PDGFC: variants seen among roughly 807,000 people sequenced by gnomAD.
PDGFC encodes platelet derived growth factor C, also known as platelet-derived growth factor C.
In PDGFC, 12 loss-of-function variants were observed where a neutral mutation model predicts 35.5. The ratio of observed to expected loss-of-function variants is 0.34; its 90% confidence interval spans 0.22 to 0.55. The LOEUF (loss-of-function observed/expected upper bound fraction) is 0.55, where lower values mean the gene tolerates loss of function less well. Ranked by LOEUF, PDGFC falls within the 20% of genes least tolerant of loss-of-function variation. PDGFC has a pLI of 0.91. For missense variants in PDGFC, 322 were observed against 412.4 expected (o/e 0.78, Z 1.90); for synonymous variants, 159 against 148.8 (o/e 1.07, Z -0.50).
intron 5 of PDGFC, among the ~76,000 whole-genome samples, chr4:156,767,228 C>A (rs374811655): frequency 4.6e-5 from 7 of 152,122 alleles, no homozygotes; most frequent in African/African-American, 1.7e-4. Context: ...ATTATATTTT[C>A]TTTTATTCCA....
At chr4:156,969,609 A>AC (rs1182205591) in intron 1 of PDGFC, among the ~76,000 whole-genome samples, 11 of 152,284 alleles carry the variant, frequency 7.2e-5, no homozygotes, top group African/African-American at 2.4e-4. Context: ...GTCTTGAAAC[A>AC]CCCCAATATG....
At chr4:156,923,266 C>T (rs1270747158) in intron 1 of PDGFC, among the ~76,000 whole-genome samples, 5 of 152,070 alleles carry the variant, frequency 3.3e-5, no homozygotes, top group South Asian at 2.1e-4. Flanking sequence ...AGGGCCTTTC[C>T]GCTTCCTATC....
intron 1 of PDGFC, among the ~76,000 whole-genome samples, chr4:156,966,439 T>C (rs1490213675): frequency 1.3e-5 from 2 of 152,098 alleles, no homozygotes; most frequent in Non-Finnish European, 2.9e-5. Flanking sequence ...ATATCATCAG[T>C]CTTGGAAACT....
intron 1 of PDGFC, among the ~76,000 whole-genome samples, chr4:156,918,549 C>T (rs1409508068): frequency 1.3e-5 from 2 of 152,192 alleles, no homozygotes; most frequent in African/African-American, 4.8e-5. Context: ...AGCATTACTG[C>T]CTGAGCTCCG....
chr4:156,859,585 C>A (rs1481150417), intron 1 of PDGFC, among the ~76,000 whole-genome samples: 1 of 152,034 alleles, frequency 6.6e-6, no homozygotes, highest in East Asian at 1.9e-4. Flanking sequence ...TAAGTTTAAA[C>A]AAAATATGCT....
At chr4:156,950,624 T>C (rs1313736482) in intron 1 of PDGFC, among the ~76,000 whole-genome samples, 1 of 151,830 alleles carries the variant, frequency 6.6e-6, no homozygotes, top group Non-Finnish European at 1.5e-5. Context: ...TCAGTTTAAT[T>C]TGTAGTTTAA....
intron 1 of PDGFC, among the ~76,000 whole-genome samples, chr4:156,944,187 G>A (rs1731881379): frequency 6.6e-6 from 1 of 152,062 alleles, no homozygotes; most frequent in East Asian, 1.9e-4. Context: ...TTCTTAGATT[G>A]GGATTAATGC....
At chr4:156,828,933 T>G (rs1728860802) in intron 2 of PDGFC, among the ~76,000 whole-genome samples, 1 of 152,196 alleles carries the variant, frequency 6.6e-6, no homozygotes, top group Admixed American at 6.5e-5. Context: ...TTAGCAATTT[T>G]AAGAAAATCA....
chr4:156,818,473 T>C lies in PDGFC; in HGVS notation c.315-7456A>G, dbSNP rs144320464. Reference sequence around the variant, plus strand: ...CTTTTGCAGTCACAACTTGTCTAACTGGTGCAACATGCCTTCCTCACTAAG... The same window carrying C: ...CTTTTGCAGTCACAACTTGTCTAACCGGTGCAACATGCCTTCCTCACTAAG... On this transcript the variant is annotated intron_variant, in intron 2 of 5. Coordinates refer to ENST00000502773, the MANE Select transcript of PDGFC (RefSeq NM_016205.3). 3.8e-3 allele frequency among the ~76,000 whole-genome samples: 576 copies of C among 151,070 alleles called. 4 individuals carry two copies. Among genetic ancestry groups the C allele is most frequent in the African/African-American group, 0.013 (549 of 41,282 alleles).
intron 3 of PDGFC, among the ~76,000 whole-genome samples, chr4:156,801,967 T>C (rs1328659541): frequency 1.3e-5 from 2 of 152,236 alleles, no homozygotes; most frequent in Non-Finnish European, 2.9e-5. Flanking sequence ...GTTCACCTTA[T>C]GTTACACAAA....
intron 4 of PDGFC, among the ~76,000 whole-genome samples, chr4:156,771,276 G>T (rs1473474144): frequency 6.6e-6 from 1 of 152,126 alleles, no homozygotes; most frequent in Non-Finnish European, 1.5e-5. Context: ...CCAGAAATCA[G>T]CTGTCAAAAA....
chr4:156,788,155 A>C (rs1213431369), intron 3 of PDGFC, among the ~76,000 whole-genome samples: 1 of 152,144 alleles, frequency 6.6e-6, no homozygotes, highest in Non-Finnish European at 1.5e-5. Context: ...ATCTCGGACA[A>C]GGAGTCTCAC....
At chr4:156,886,842 T>C (rs1009512515) in intron 1 of PDGFC, 1 of 152,110 alleles carries the variant, frequency 6.6e-6, no homozygotes, top group Admixed American at 6.5e-5. Flanking sequence ...CAGGAAAAAA[T>C]AAAAGATTTA....
chr4:156,839,099 G>A (rs1729137504), intron 2 of PDGFC, among the ~76,000 whole-genome samples: 1 of 152,172 alleles, frequency 6.6e-6, no homozygotes, highest in Non-Finnish European at 1.5e-5. Context: ...CATTTTCTTT[G>A]AAACATATGG....
intron 3 of PDGFC, among the ~76,000 whole-genome samples, chr4:156,796,888 C>T (rs886299297): frequency 6.6e-6 from 1 of 151,976 alleles, no homozygotes; most frequent in African/African-American, 2.4e-5. Flanking sequence ...CAAATGAATG[C>T]TTACTTTAAG....
intron 1 of PDGFC, among the ~76,000 whole-genome samples, chr4:156,964,193 C>T (rs549646303): frequency 1.3e-5 from 2 of 151,562 alleles, no homozygotes; most frequent in South Asian, 4.2e-4. Context: ...CAGAAAGTTT[C>T]CTTGTGGAAC....
At chr4:156,929,679 T>C (rs773167010) in intron 1 of PDGFC, among the ~76,000 whole-genome samples, 5 of 152,206 alleles carry the variant, frequency 3.3e-5, no homozygotes, top group Non-Finnish European at 7.3e-5. Context: ...TTAACTCAGG[T>C]CAGCTAATAA....
intron 1 of PDGFC, among the ~76,000 whole-genome samples, chr4:156,949,473 C>G (rs913156276): frequency 6.6e-6 from 1 of 151,706 alleles, no homozygotes; most frequent in Non-Finnish European, 1.5e-5. Flanking sequence ...CTCTCTCTTG[C>G]TCACACACTG....
Position 156,929,582 on chromosome 4 carries a change from C to A in PDGFC, c.118+41204G>T, listed in dbSNP as rs193246584. Among the ~76,000 whole-genome samples, 7 of 152,142 alleles carry A rather than the reference C, an allele frequency of 4.6e-5. No homozygotes were observed. The East Asian group carries it at 1.2e-3, about 25-fold the overall frequency. On this transcript the variant is annotated intron_variant, in intron 1 of 5. Coordinates refer to ENST00000502773, the MANE Select transcript of PDGFC (RefSeq NM_016205.3). ...CTTCTTACAGCCTTCCGGAATATAC[C>A]AAAACACAAAAGAGTTATCCAAAGA...
Sources: allele counts gnomAD v4.1 joint callset (sites outside exome capture counted in the v4.1 genomes callset), GRCh38; gene constraint gnomAD v4.1.1; transcripts MANE v1.5; gene names NCBI Gene and HGNC (gene_info 2026-07-23, HGNC 2026-07-21).